Variants in IL1RAPL1 observed in about 807,000 individuals in gnomAD.
The protein encoded by IL1RAPL1 is interleukin 1 receptor accessory protein like 1.
In IL1RAPL1, 3 loss-of-function variants were observed where a neutral mutation model predicts 48.4. The observed-to-expected ratio is 0.06, with a 90% CI of 0.03 to 0.16. The LOEUF is 0.16. IL1RAPL1 is among the 10% of genes least tolerant of loss of function. The pLI is 1.00. For missense variants in IL1RAPL1, 349 were observed against 530.6 expected (o/e 0.66, Z 3.36); for synonymous variants, 185 against 187.7 (o/e 0.99, Z 0.12).
chrX:28,956,320 G>C (rs1924608737), intron 2 of IL1RAPL1, among the ~76,000 whole-genome samples: 1 of 108,543 alleles, frequency 9.2e-6, no homozygotes, highest in African/African-American at 3.4e-5. Context: ...TGGTGAGAGA[G>C]GGCATCCCTG....
chrX:29,481,080 A>G (rs1207754343), intron 5 of IL1RAPL1, among the ~76,000 whole-genome samples: 2 of 112,423 alleles, frequency 1.8e-5, no homozygotes, highest in African/African-American at 3.2e-5. Flanking sequence ...TAACAAACTA[A>G]AATATTCTAA....
intron 2 of IL1RAPL1, among the ~76,000 whole-genome samples, chrX:29,063,872 T>A (rs758288859): frequency 1.4e-3 from 154 of 112,223 alleles, no homozygotes; most frequent in Non-Finnish European, 2.1e-3. Context: ...GGACATGGTA[T>A]TTCAGGCTTT....
chrX:29,555,375 C>T (rs952996692), intron 5 of IL1RAPL1, among the ~76,000 whole-genome samples: 1 of 112,269 alleles, frequency 8.9e-6, no homozygotes, highest in Non-Finnish European at 1.9e-5. Context: ...GAACTTTGAA[C>T]TTGTAGTCTC....
At chrX:28,914,897 A>G (rs899879046) in intron 2 of IL1RAPL1, among the ~76,000 whole-genome samples, 1 of 112,315 alleles carries the variant, frequency 8.9e-6, no homozygotes, top group Non-Finnish European at 1.9e-5. Flanking sequence ...ATTTGTTACA[A>G]ATTTAGGCAT....
At chrX:29,515,871 A>G (rs905651913) in intron 5 of IL1RAPL1, among the ~76,000 whole-genome samples, 8 of 111,091 alleles carry the variant, frequency 7.2e-5, no homozygotes, top group African/African-American at 2.6e-4. Flanking sequence ...ATTTTTGTAG[A>G]GATAGGGTTT....
At chrX:29,649,071 T>C (rs1240057292) in intron 5 of IL1RAPL1, among the ~76,000 whole-genome samples, 2 of 111,252 alleles carry the variant, frequency 1.8e-5, no homozygotes, top group Non-Finnish European at 3.8e-5. Flanking sequence ...TATGAAGAAA[T>C]AGAAAACCTG....
intron 5 of IL1RAPL1, among the ~76,000 whole-genome samples, chrX:29,660,172 C>T: frequency 9.1e-6 from 1 of 109,425 alleles, no homozygotes; most frequent in East Asian, 2.8e-4. Context: ...CCACAAGGCC[C>T]CTCCTCCAAC....
intron 2 of IL1RAPL1, among the ~76,000 whole-genome samples, chrX:29,113,185 T>C (rs917404426): frequency 1.8e-5 from 2 of 112,069 alleles, no homozygotes; most frequent in South Asian, 3.7e-4. Context: ...TGGTGAAAAC[T>C]AGTCATTTAG....
intron 2 of IL1RAPL1, among the ~76,000 whole-genome samples, chrX:28,895,478 C>G (rs183287485): frequency 1.1e-5 from 1 of 88,735 alleles, no homozygotes; most frequent in Admixed American, 1.4e-4. Context: ...TGGGGGGATA[C>G]GAGAGGGGGA....
intron 1 of IL1RAPL1, among the ~76,000 whole-genome samples, chrX:28,697,970 A>G (rs989180479): frequency 2.7e-5 from 3 of 111,363 alleles, no homozygotes; most frequent in Admixed American, 1.9e-4. Context: ...GTTATGTCCA[A>G]TGATCTCCAA....
intron 2 of IL1RAPL1, among the ~76,000 whole-genome samples, chrX:28,839,445 C>G (rs1312487411): frequency 9.1e-6 from 1 of 110,217 alleles, no homozygotes; most frequent in African/African-American, 3.3e-5. Flanking sequence ...TAAAATATGA[C>G]TATAAAGCAT....
At chrX:29,422,417 A>G (rs917621290) in intron 5 of IL1RAPL1, among the ~76,000 whole-genome samples, 26 of 110,744 alleles carry the variant, frequency 2.3e-4, no homozygotes, top group African/African-American at 8.6e-4. Flanking sequence ...CGGTTTTTGA[A>G]CCCCATCATA....
At chrX:29,212,214 C>T (rs183355911) in intron 2 of IL1RAPL1, among the ~76,000 whole-genome samples, 2 of 111,627 alleles carry the variant, frequency 1.8e-5, no homozygotes, top group Non-Finnish European at 3.8e-5. Flanking sequence ...AGCTTTAACA[C>T]TAAAATACAG....
intron 3 of IL1RAPL1, among the ~76,000 whole-genome samples, chrX:29,301,462 G>A (rs1462241236): frequency 8.9e-6 from 1 of 111,807 alleles, no homozygotes; most frequent in East Asian, 2.8e-4. Context: ...TGATTTATTA[G>A]TAGTGTTTGA....
intron 2 of IL1RAPL1, among the ~76,000 whole-genome samples, chrX:29,020,416 G>A (rs1049191868): frequency 1.8e-5 from 2 of 112,196 alleles, no homozygotes; most frequent in Non-Finnish European, 3.8e-5. Context: ...GTTGCCTACA[G>A]TATTCAGTAC....
At chrX:29,940,926 C>T (rs930693346) in intron 8 of IL1RAPL1, among the ~76,000 whole-genome samples, 2 of 111,015 alleles carry the variant, frequency 1.8e-5, no homozygotes, top group Non-Finnish European at 3.8e-5. Flanking sequence ...ACTGTCCCAT[C>T]CACTAGGAGG....
intron 2 of IL1RAPL1, among the ~76,000 whole-genome samples, chrX:28,922,359 A>G (rs1601959734): frequency 8.9e-6 from 1 of 112,191 alleles, no homozygotes; most frequent in East Asian, 2.8e-4. Context: ...AAAAGGAAGC[A>G]AAATAAGCCT....
At chrX:29,379,281 A>G (rs959313219) in intron 3 of IL1RAPL1, among the ~76,000 whole-genome samples, 2 of 112,294 alleles carry the variant, frequency 1.8e-5, no homozygotes, top group African/African-American at 6.5e-5. Context: ...ATCCAGGTAG[A>G]GGCTCTGGGA....
intron 3 of IL1RAPL1, among the ~76,000 whole-genome samples, chrX:29,358,882 A>T (rs931915444): frequency 1.0e-4 from 11 of 109,650 alleles, no homozygotes; most frequent in African/African-American, 3.7e-4. Flanking sequence ...TTAGCCAGGC[A>T]TGGTGGCACA....
Sources: gnomAD v4.1 joint callset for allele counts (sites outside exome capture counted in the v4.1 genomes callset) on GRCh38, gnomAD v4.1.1 for gene constraint, MANE v1.5 for transcripts, NCBI Gene and HGNC (gene_info 2026-07-23, HGNC 2026-07-21) for gene names.